Variants in INTS9 observed in about 807,000 individuals in gnomAD.
INTS9 encodes the protein protein related to CPSF subunits of 74 kDa.
In INTS9, 55 loss-of-function variants were observed where a neutral mutation model predicts 79.7. The observed-to-expected ratio is 0.69, with a 90% confidence interval of 0.56 to 0.86. INTS9 has a LOEUF of 0.86. Ranked by LOEUF, INTS9 falls within the 40% of genes least tolerant of loss-of-function variation. The probability of loss-of-function intolerance (pLI) is 0.00; values close to 1 mark genes in which losing one functional copy is unlikely to be tolerated. For synonymous variants in INTS9, 319 were observed against 325.2 expected, an observed-to-expected ratio of 0.98 and a Z score of 0.20; for missense variants, 721 against 831.5, an observed-to-expected ratio of 0.87 and a Z score of 1.64.
chr8:28,857,823 G>A (rs959667392), intron 2 of INTS9, among the ~76,000 whole-genome samples: 6 of 152,162 alleles, frequency 3.9e-5, no homozygotes, highest in African/African-American at 1.4e-4. Context: ...TACTTATAAT[G>A]TAATAAGTGC....
chr8:28,885,450 C>T (rs915800493), intron 1 of INTS9, among the ~76,000 whole-genome samples: 13 of 152,146 alleles, frequency 8.5e-5, no homozygotes, highest in Non-Finnish European at 1.8e-4. Flanking sequence ...AATTCCATGT[C>T]ACAGGGGTCA....
Position 28,768,260 on chromosome 8 carries a change from C to G in INTS9, c.1863G>C (p.Glu621Asp). The G allele has an allele frequency of 1.2e-6, 2 of 1,614,124 alleles. No homozygotes were observed. The highest frequency in any genetic ancestry group is 1.7e-6 in the Non-Finnish European group (2 of 1,180,018). The stretch of plus-strand genomic sequence containing the variant: ...CTTCAATCTGGATGAGCGTCTCAGC[C>G]TCCTGGAGCAGGACGATATGGCCCT... Reference protein sequence around the residue: ...TAKGHIVLLQEAETLIQIEED... With the variant: ...TAKGHIVLLQDAETLIQIEED... Residue 621 changes from glutamate to aspartate, a missense_variant, in exon 17 of 17, where the codon GAG becomes GAC. Glu to Asp is a conservative substitution (Grantham distance 45). This residue lies in a region of INTS9 where 281 missense variants were observed against 300.8 expected (regional missense o/e 0.93). Coordinates refer to ENST00000521022, the MANE Select transcript of INTS9 (RefSeq NM_018250.4).
chr8:28,808,634 A>C (rs1804943365), intron 8 of INTS9, among the ~76,000 whole-genome samples: 2 of 152,020 alleles, frequency 1.3e-5, no homozygotes, highest in African/African-American at 4.8e-5. Context: ...CCCTCTGCCA[A>C]CTCTTCCTTG....
chr8:28,827,228 TTTCA>T (rs2131132552), intron 6 of INTS9, among the ~76,000 whole-genome samples: 1 of 152,336 alleles, frequency 6.6e-6, no homozygotes, highest in East Asian at 1.9e-4. Context: ...TTCTAAAGGA[TTTCA>T]TTGTTTTGCT....
intron 1 of INTS9, among the ~76,000 whole-genome samples, chr8:28,863,502 G>A (rs1399605225): frequency 2.0e-5 from 3 of 152,184 alleles, no homozygotes; most frequent in African/African-American, 4.8e-5. Flanking sequence ...CAGCCTGGGC[G>A]TGGTAGCTCA....
chr8:28,814,402 T>C (rs777399957), intron 6 of INTS9, among the ~76,000 whole-genome samples: 4 of 151,008 alleles, frequency 2.6e-5, no homozygotes, highest in African/African-American at 7.3e-5. Flanking sequence ...TTTTAGAAAG[T>C]AGACAGACAA....
rs1296506436 is a variant in INTS9, at chr8:28,843,732, C to CT, written c.261+3014dup. 5.7e-3 allele frequency among the ~76,000 whole-genome samples: 812 copies of CT among 143,156 alleles called. 9 individuals carry two copies. Among genetic ancestry groups the CT allele is most frequent in the African/African-American group, 0.017 (651 of 39,092 alleles). 93.9% of individuals were successfully genotyped at this position (143,156 alleles called of 152,430 possible). On this transcript the variant is annotated intron_variant, in intron 4 of 16. Transcript: ENST00000521022. ...TGCTTTTCTTTTCTTCTTCCTTTTT[C>CT]TTTTTTTTTTTTTAAACAATGGTCC...
At chr8:28,880,385 A>T (rs2131372437) in intron 1 of INTS9, among the ~76,000 whole-genome samples, 1 of 151,724 alleles carries the variant, frequency 6.6e-6, no homozygotes, top group South Asian at 2.1e-4. Flanking sequence ...CAGCCTGCCG[A>T]GTGCCTGCGA....
rs1802311820 is a variant in INTS9, at chr8:28,768,094, G to A, written c.*52C>T. On this transcript the variant is annotated 3_prime_UTR_variant, in exon 17 of 17. Coordinates refer to ENST00000521022, the MANE Select transcript of INTS9 (RefSeq NM_018250.4). Reference sequence around the variant, plus strand: ...TGCCACTCCTCAGGTGGCTTGTGAGGGCAGCCAGTGAGGGACTGCAGGATT... The same window carrying A: ...TGCCACTCCTCAGGTGGCTTGTGAGAGCAGCCAGTGAGGGACTGCAGGATT... The A allele has an allele frequency of 5.1e-6, 8 of 1,558,762 alleles. No individual in the cohort carries two copies. Among genetic ancestry groups the A allele is most frequent in the African/African-American group, 4.1e-5 (3 of 74,038 alleles).
Position 28,804,709 on chromosome 8 carries a change from G to A in INTS9, c.744+7618C>T, listed in dbSNP as rs530390752. On this transcript the variant is annotated intron_variant, in intron 8 of 16. Transcript: ENST00000521022. The stretch of plus-strand genomic sequence containing the variant: ...AGGCAGCATCTACTAAACATGGTGA[G>A]CTAAAATCTATCCCCACAGGGAGAA... Among the ~76,000 whole-genome samples the A allele has an allele frequency of 3.9e-5, 6 of 152,304 alleles. No individual in the cohort carries two copies. In the South Asian group the frequency reaches 1.0e-3, roughly 26 times the overall value.
chr8:28,851,466 C>G (rs1286637312), intron 2 of INTS9, among the ~76,000 whole-genome samples: 1 of 150,594 alleles, frequency 6.6e-6, no homozygotes. Context: ...GAGACAGAGT[C>G]TCACTCTGTC....
chr8:28,771,141 T>C (rs1193646003), intron 14 of INTS9, 61 bp from the exon 15 acceptor site: 2 of 1,152,148 alleles, frequency 1.7e-6, no homozygotes, highest in South Asian at 2.6e-5. Context: ...ACTCTTCCTT[T>C]AATCTGTATT....
chr8:28,872,807 T>G (rs1283375587), intron 1 of INTS9, among the ~76,000 whole-genome samples: 1 of 152,184 alleles, frequency 6.6e-6, no homozygotes, highest in Non-Finnish European at 1.5e-5. Flanking sequence ...TGTAAACATT[T>G]ATCCTGTTTA....
At chr8:28,794,610 C>T (rs913916317) in intron 9 of INTS9, among the ~76,000 whole-genome samples, 1 of 152,220 alleles carries the variant, frequency 6.6e-6, no homozygotes, top group African/African-American at 2.4e-5. Context: ...TCCCAACCCA[C>T]AGGACCACAG....
chr8:28,853,932 G>T (rs1236841934), intron 2 of INTS9, among the ~76,000 whole-genome samples: 2 of 152,142 alleles, frequency 1.3e-5, no homozygotes, highest in Non-Finnish European at 2.9e-5. Context: ...CGTTAACCAG[G>T]ATGGTCTCGA....
At position 28,831,410 on chromosome 8, in the gene INTS9, G is replaced by A. The variant is rs1012967275; in HGVS notation, c.488+3882C>T. 6.6e-5 allele frequency among the ~76,000 whole-genome samples: 10 copies of A among 152,278 alleles called. 1 individual carries two copies. The highest frequency in any genetic ancestry group is 5.2e-4 in the Admixed American group (8 of 15,298). On this transcript the variant is annotated intron_variant, in intron 6 of 16. Coordinates refer to ENST00000521022, the MANE Select transcript of INTS9 (RefSeq NM_018250.4). The stretch of plus-strand genomic sequence containing the variant: ...GGTGCAGCAAACCACCATGGCACAT[G>A]TTTACCTATGTAACAAAACTGCATG...
At chr8:28,771,295 C>G (rs1458143760) in intron 14 of INTS9, 9 of 568,808 alleles carry the variant, frequency 1.6e-5, no homozygotes, top group Admixed American at 4.9e-5. Context: ...CCCTCATCCC[C>G]TCTCCAGGTG....
chr8:28,836,941 C>T (rs1462516954), intron 5 of INTS9, among the ~76,000 whole-genome samples: 1 of 152,130 alleles, frequency 6.6e-6, no homozygotes, highest in African/African-American at 2.4e-5. Flanking sequence ...TTATACCGTA[C>T]TTATTAATTT....
chr8:28,875,226 T>C (rs1005858304), intron 1 of INTS9, among the ~76,000 whole-genome samples: 1 of 152,116 alleles, frequency 6.6e-6, no homozygotes, highest in South Asian at 2.1e-4. Flanking sequence ...ACTATCCAAA[T>C]AGGAGGATGT....
Sources: allele counts gnomAD v4.1 joint callset (sites outside exome capture counted in the v4.1 genomes callset), GRCh38; gene constraint gnomAD v4.1.1; regional missense constraint gnomAD v4.1.1; transcripts MANE v1.5; gene names NCBI Gene and HGNC (gene_info 2026-07-23, HGNC 2026-07-21).